Variants in SMG6 observed in about 807,000 individuals in gnomAD.
SMG6 encodes SMG6 nonsense mediated mRNA decay factor, also known as telomerase-binding protein EST1A.
In SMG6, 66 loss-of-function variants were observed where a neutral mutation model predicts 142.2. That is an observed-to-expected ratio of 0.46 (90% CI 0.38 to 0.57). The LOEUF (loss-of-function observed/expected upper bound fraction) is 0.57. Ranked by LOEUF, SMG6 falls within the 20% of genes least tolerant of loss-of-function variation. The pLI, the probability that SMG6 is intolerant of heterozygous loss-of-function variation, is 0.00. For missense variants in SMG6, 1,793 were observed against 1,832.0 expected (o/e 0.98, Z 0.39); for synonymous variants, 779 against 702.4 (o/e 1.11, Z -1.72).
In SMG6 at chr17:2,291,659, C is replaced by T. The variant is rs1471836396; in HGVS notation, c.2337+893G>A. Among the ~76,000 whole-genome samples the T allele has an allele frequency of 1.9e-5, 2 of 102,712 alleles. 1 individual carries two copies. The highest frequency in any genetic ancestry group is 5.6e-5 in the African/African-American group (2 of 35,644). The allele number at this position is 102,712 out of a possible 152,430, so 67.4% of individuals were successfully genotyped here. A position where few individuals can be genotyped will look rare whatever the true frequency, so the allele number is the denominator to read the frequency against. On this transcript the variant is annotated intron_variant, in intron 6 of 18. Transcript: ENST00000263073. Reference sequence around the variant, plus strand: ...GGCTGAGGCTGGAGGATCACTTCGGCCCAGGTGTTTTGAGGCCAGCCTGGG... The same window carrying T: ...GGCTGAGGCTGGAGGATCACTTCGGTCCAGGTGTTTTGAGGCCAGCCTGGG...
chr17:2,143,601 AG>A (rs2070558392), intron 13 of SMG6, among the ~76,000 whole-genome samples: 1 of 152,212 alleles, frequency 6.6e-6, no homozygotes, highest in African/African-American at 2.4e-5. Flanking sequence ...ATGACGCGAT[AG>A]GTAGAGGGTT....
chr17:2,138,131 C>T (rs926053683), intron 13 of SMG6, among the ~76,000 whole-genome samples: 2 of 150,040 alleles, frequency 1.3e-5, no homozygotes, highest in African/African-American at 4.9e-5. Flanking sequence ...CATGGAAATA[C>T]AGTTATTTAG....
intron 10 of SMG6, among the ~76,000 whole-genome samples, chr17:2,190,449 G>A (rs1274984188): frequency 6.6e-6 from 1 of 152,188 alleles, no homozygotes; most frequent in Non-Finnish European, 1.5e-5. Flanking sequence ...CCATGACCCT[G>A]GACAGGGATA....
chr17:2,117,016 GAAC>G (rs987278135), intron 13 of SMG6, among the ~76,000 whole-genome samples: 5 of 150,634 alleles, frequency 3.3e-5, no homozygotes, highest in African/African-American at 7.3e-5. Flanking sequence ...ATCACAATGA[GAAC>G]AACAACAAAA....
chr17:2,237,503 C>T (rs2073696519), intron 9 of SMG6: 2 of 985,348 alleles, frequency 2.0e-6, no homozygotes, highest in Middle Eastern at 5.2e-4. Flanking sequence ...ACCTAGAAGC[C>T]CCCAGTCATC....
At chr17:2,063,342 A>G (rs186224666) in intron 18 of SMG6, 1 of 152,372 alleles carries the variant, frequency 6.6e-6, no homozygotes, top group East Asian at 1.9e-4. Context: ...GTTTACACAT[A>G]AACATTTAGT....
intron 13 of SMG6, among the ~76,000 whole-genome samples, chr17:2,154,590 G>A (rs1158325787): frequency 6.6e-6 from 1 of 152,094 alleles, no homozygotes; most frequent in Non-Finnish European, 1.5e-5. Context: ...TTAGGCAGAG[G>A]TCTCTGTTTC....
At chr17:2,280,987 A>C (rs1413409498) in intron 8 of SMG6, among the ~76,000 whole-genome samples, 1 of 152,104 alleles carries the variant, frequency 6.6e-6, no homozygotes, top group East Asian at 1.9e-4. Context: ...CAGGAAAATC[A>C]CTGGAACTCA....
At chr17:2,187,459 C>A (rs1258186776) in intron 11 of SMG6, among the ~76,000 whole-genome samples, 3 of 152,078 alleles carry the variant, frequency 2.0e-5, no homozygotes, top group African/African-American at 4.8e-5. Context: ...ATGTTGACTT[C>A]CGATTTTGAT....
chr17:2,290,930 G>C (rs1247717042), intron 6 of SMG6, among the ~76,000 whole-genome samples: 1 of 152,192 alleles, frequency 6.6e-6, no homozygotes, highest in Non-Finnish European at 1.5e-5. Context: ...GAGACATCCA[G>C]AACAGGTAAA....
chr17:2,207,124 A>C (rs1159602083), intron 10 of SMG6, among the ~76,000 whole-genome samples: 10 of 149,248 alleles, frequency 6.7e-5, no homozygotes, highest in South Asian at 2.1e-4. Flanking sequence ...ATCCAAAAAA[A>C]AAAAAAAAAA....
At chr17:2,174,120 G>A (rs138939262) in intron 12 of SMG6, among the ~76,000 whole-genome samples, 355 of 152,264 alleles carry the variant, frequency 2.3e-3, no homozygotes, top group Middle Eastern at 0.01. Flanking sequence ...CATCCTGGGC[G>A]GGGTGTGGTG....
Position 2,300,049 on chromosome 17 carries a change from C to G in SMG6, c.704G>C (p.Arg235Pro). 3 of 1,614,198 alleles carry G rather than the reference C, an allele frequency of 1.9e-6. No individual in the cohort carries two copies. Among genetic ancestry groups the G allele is most frequent in the African/African-American group, 2.7e-5 (2 of 75,072 alleles). Residue 235 changes from arginine to proline, a missense_variant, in exon 2 of 19, where the codon CGC becomes CCC. Physicochemically the swap from Arg to Pro is moderately radical, Grantham distance 103 (BLOSUM62 -2). Coordinates refer to ENST00000263073, the MANE Select transcript of SMG6 (RefSeq NM_017575.5). ...GVRETHDDPARGRPGSAKRYS... is the reference protein window; with the variant it reads ...GVRETHDDPAPGRPGSAKRYS... ...GCGCTTTGCGGAGCCCGGCCTCCCG[C>G]GGGCTGGGTCGTCGTGGGTTTCCCT...
chr17:2,264,115 G>A (rs2074373086), intron 8 of SMG6, among the ~76,000 whole-genome samples: 1 of 152,200 alleles, frequency 6.6e-6, no homozygotes, highest in South Asian at 2.1e-4. Flanking sequence ...TCCTATAGCA[G>A]CTGCAGATTG....
At chr17:2,080,771 G>T (rs1272422232) in intron 15 of SMG6, among the ~76,000 whole-genome samples, 2 of 152,050 alleles carry the variant, frequency 1.3e-5, no homozygotes, top group East Asian at 3.9e-4. Context: ...GAGTAGCTGG[G>T]ATTACAGGTG....
At chr17:2,275,070 A>C (rs760720697) in intron 8 of SMG6, among the ~76,000 whole-genome samples, 1 of 151,724 alleles carries the variant, frequency 6.6e-6, no homozygotes, top group African/African-American at 2.4e-5. Context: ...GTAGGTTCCT[A>C]TCTTTTTAAT....
rs2070318586 is a variant in SMG6 at position 2,136,792 on chromosome 17, T to C, written c.3357+35866A>G. Among the ~76,000 whole-genome samples the C allele has an allele frequency of 3.3e-5, 5 of 151,966 alleles. No individual in the cohort carries two copies. The South Asian group carries it at 1.0e-3, about 32-fold the overall frequency. On this transcript the variant is annotated intron_variant, in intron 13 of 18. Coordinates refer to ENST00000263073, the MANE Select transcript of SMG6 (RefSeq NM_017575.5). Reference sequence around the variant, plus strand: ...AATTTCAATTATCCTTCTTGGTAAGTCCTTACATAAGTTTAGTATGTTCTT... The same window carrying C: ...AATTTCAATTATCCTTCTTGGTAAGCCCTTACATAAGTTTAGTATGTTCTT...
chr17:2,191,697 G>A (rs751912592), intron 10 of SMG6, among the ~76,000 whole-genome samples: 2 of 152,208 alleles, frequency 1.3e-5, no homozygotes, highest in Non-Finnish European at 2.9e-5. Flanking sequence ...CATGTGGGCA[G>A]GTGACCACAG....
chr17:2,144,890 C>G (rs1597464407), intron 13 of SMG6, among the ~76,000 whole-genome samples: 1 of 152,104 alleles, frequency 6.6e-6, no homozygotes, highest in Admixed American at 6.6e-5. Context: ...GCGCACCCCA[C>G]GCTTTCAGGC....
Sources: allele counts gnomAD v4.1 joint callset (sites outside exome capture counted in the v4.1 genomes callset), GRCh38; gene constraint gnomAD v4.1.1; transcripts MANE v1.5; gene names NCBI Gene and HGNC (gene_info 2026-07-23, HGNC 2026-07-21).